The following MEIKIN variants were observed in gnomAD, a reference collection of about 807,000 sequenced individuals.
MEIKIN encodes meiosis-specific kinetochore protein.
At chr5:131,843,081 T>G (rs912994629) in intron 11 of MEIKIN, among the ~76,000 whole-genome samples, 1 of 152,276 alleles carries the variant, frequency 6.6e-6, no homozygotes, top group African/African-American at 2.4e-5. Context: ...TAACTTGAAC[T>G]GTACCTTGGC....
At chr5:131,873,821 G>C (rs1393485820) in intron 9 of MEIKIN, among the ~76,000 whole-genome samples, 2 of 152,154 alleles carry the variant, frequency 1.3e-5, no homozygotes, top group Non-Finnish European at 2.9e-5. Flanking sequence ...AATCAAACTA[G>C]AACTCATGAT....
intron 9 of MEIKIN, among the ~76,000 whole-genome samples, chr5:131,869,622 A>T (rs1250025871): frequency 6.6e-6 from 1 of 152,226 alleles, no homozygotes; most frequent in Non-Finnish European, 1.5e-5. Context: ...TCTGTTTCAC[A>T]TAGTTCCTTT....
intron 3 of MEIKIN, among the ~76,000 whole-genome samples, chr5:131,944,111 C>CAAAAAAAAAAAAAAAAAAAAACA (rs530605601): frequency 1.5e-5 from 1 of 67,838 alleles, no homozygotes; most frequent in Non-Finnish European, 3.1e-5. Context: ...ACTCTGTCTC[C>CAAAAAAAAAAAAAAAAAAAAACA]AAAAAAAAAA....
chr5:131,897,274 C>A (rs1415132249), intron 8 of MEIKIN, among the ~76,000 whole-genome samples: 4 of 152,218 alleles, frequency 2.6e-5, no homozygotes, highest in African/African-American at 9.6e-5. Context: ...ACGGGCTTCC[C>A]TTTGTGGGTA....
At chr5:131,874,699 G>C (rs1383812887) in intron 9 of MEIKIN, among the ~76,000 whole-genome samples, 15 of 152,132 alleles carry the variant, frequency 9.9e-5, no homozygotes, top group Admixed American at 9.2e-4. Flanking sequence ...CAAAAAAAGG[G>C]AATTTTAGAC....
At chr5:131,935,058 CA>C (rs1391489029) in intron 4 of MEIKIN, among the ~76,000 whole-genome samples, 8 of 130,760 alleles carry the variant, frequency 6.1e-5, no homozygotes, top group East Asian at 4.5e-4. Flanking sequence ...AGACTCCATC[CA>C]AAAAAAAAGA....
chr5:131,872,494 T>C (rs948227244), intron 9 of MEIKIN, among the ~76,000 whole-genome samples: 1 of 152,168 alleles, frequency 6.6e-6, no homozygotes, highest in African/African-American at 2.4e-5. Context: ...AATATGTGAC[T>C]ATGTGAAAAG....
At chr5:131,815,132 T>C (rs1210070969) in intron 12 of MEIKIN, among the ~76,000 whole-genome samples, 1 of 150,898 alleles carries the variant, frequency 6.6e-6, no homozygotes, top group South Asian at 2.1e-4. Context: ...TCATATTCCA[T>C]ACAACATTGC....
chr5:131,913,873 T>C (rs1751366792), intron 7 of MEIKIN, among the ~76,000 whole-genome samples: 1 of 152,214 alleles, frequency 6.6e-6, no homozygotes, highest in Admixed American at 6.5e-5. Flanking sequence ...CTATTAGCCA[T>C]TGCTATGGTT....
chr5:131,898,932 C>A (rs1053698004), intron 8 of MEIKIN, among the ~76,000 whole-genome samples: 1 of 152,152 alleles, frequency 6.6e-6, no homozygotes, highest in African/African-American at 2.4e-5. Flanking sequence ...ACGGGCTGTA[C>A]CCACTGTCCA....
At chr5:131,925,993 T>C (rs1751581326) in intron 5 of MEIKIN, among the ~76,000 whole-genome samples, 1 of 152,210 alleles carries the variant, frequency 6.6e-6, no homozygotes, top group Non-Finnish European at 1.5e-5. Flanking sequence ...GTGTTTTACA[T>C]ATAAGATCAT....
At chr5:131,920,598 A>G (rs1366427383) in intron 6 of MEIKIN, among the ~76,000 whole-genome samples, 4 of 152,250 alleles carry the variant, frequency 2.6e-5, no homozygotes, top group African/African-American at 9.6e-5. Flanking sequence ...TTCTTCAAAT[A>G]AAAATGGGGG....
intron 9 of MEIKIN, among the ~76,000 whole-genome samples, chr5:131,868,717 C>CA (rs56823877): frequency 0.012 from 905 of 74,910 alleles, 8 homozygotes; most frequent in African/African-American, 0.026. Flanking sequence ...TCTGTCTCTA[C>CA]AAAAAAAAAA....
intron 11 of MEIKIN, among the ~76,000 whole-genome samples, chr5:131,833,046 G>A (rs756736906): frequency 2.0e-5 from 3 of 152,232 alleles, no homozygotes; most frequent in Admixed American, 6.5e-5. Flanking sequence ...CAGCCAGCTT[G>A]AATTTCTCCT....
intron 9 of MEIKIN, among the ~76,000 whole-genome samples, chr5:131,864,873 T>C (rs915790663): frequency 2.6e-5 from 4 of 152,220 alleles, no homozygotes; most frequent in African/African-American, 9.6e-5. Flanking sequence ...GGTCACTTGA[T>C]AGTGTTCCAT....
intron 8 of MEIKIN, among the ~76,000 whole-genome samples, chr5:131,905,244 A>C (rs1751224712): frequency 6.6e-6 from 1 of 152,208 alleles, no homozygotes; most frequent in African/African-American, 2.4e-5. Context: ...CTTTTTTGAA[A>C]CTAATGAGGA....
intron 8 of MEIKIN, among the ~76,000 whole-genome samples, 167 bp downstream of exon 8, chr5:131,911,648 C>T (rs1751336789): frequency 6.6e-6 from 1 of 151,678 alleles, no homozygotes; most frequent in Non-Finnish European, 1.5e-5. Context: ...ACTTTCTGAT[C>T]CCACATATCT....
intron 12 of MEIKIN, among the ~76,000 whole-genome samples, chr5:131,811,769 G>A (rs1440252733): frequency 2.0e-5 from 3 of 152,118 alleles, no homozygotes; most frequent in African/African-American, 7.2e-5. Flanking sequence ...ACCACGCCCA[G>A]CTAATTTTTT....
chr5:131,817,227 T>C (rs1236226152), intron 12 of MEIKIN, among the ~76,000 whole-genome samples: 2 of 152,142 alleles, frequency 1.3e-5, no homozygotes. Flanking sequence ...GACTTAGTGA[T>C]GCCACTGGCT....
Sources: gnomAD v4.1 joint callset for allele counts (sites outside exome capture counted in the v4.1 genomes callset) on GRCh38, gnomAD v4.1.1 for gene constraint, MANE v1.5 for transcripts, NCBI Gene and HGNC (gene_info 2026-07-23, HGNC 2026-07-21) for gene names.